PCNX1: variants seen among roughly 807,000 people sequenced by gnomAD.
PCNX1 encodes the protein pecanex-like protein 1.
In PCNX1, 78 loss-of-function variants were observed where a neutral mutation model predicts 242.2. The ratio of observed to expected loss-of-function variants is 0.32; its 90% CI spans 0.27 to 0.39. The LOEUF (loss-of-function observed/expected upper bound fraction) is 0.39. Among genes scored for constraint, PCNX1 ranks in the 10% least tolerant of loss-of-function variants. The pLI is 1.00. For synonymous variants in PCNX1, 1,024 were observed against 1,032.9 expected, an observed-to-expected ratio of 0.99 and a Z score of 0.17; for missense variants, 2,581 against 2,856.5, an observed-to-expected ratio of 0.90 and a Z score of 2.20.
At chr14:71,057,485 T>C (rs1217257225) in intron 25 of PCNX1, 24 bp from the exon 26 acceptor site, 1 of 1,546,220 alleles carries the variant, frequency 6.5e-7, no homozygotes, top group African/African-American at 1.4e-5. Context: ...TAAATTTAAC[T>C]TTTTTTAAAA....
chr14:71,109,698 G>A, intron 35 of PCNX1, 97 bp from the exon 36 acceptor site: 1 of 1,567,296 alleles, frequency 6.4e-7, no homozygotes. Flanking sequence ...ATAATTTTCA[G>A]ACAAAATTGC....
At chr14:70,956,642 T>C (rs2058005825) in intron 2 of PCNX1, among the ~76,000 whole-genome samples, 1 of 152,094 alleles carries the variant, frequency 6.6e-6, no homozygotes, top group Admixed American at 6.6e-5. Context: ...TTGAGCCTTA[T>C]CTTAGGCCAT....
At chr14:70,911,825 A>G (rs184309200) in intron 1 of PCNX1, among the ~76,000 whole-genome samples, 15 of 152,358 alleles carry the variant, frequency 9.8e-5, no homozygotes, top group Non-Finnish European at 1.9e-4. Context: ...TGTTTCCTCT[A>G]TAATGCTGTA....
Position 71,078,905 on chromosome 14 carries a change from G to A in PCNX1, c.5337+2486G>A, listed in dbSNP as rs181334547. Among the ~76,000 whole-genome samples, 6 of 152,220 alleles carry A rather than the reference G, an allele frequency of 3.9e-5. No individual in the cohort carries two copies. In the East Asian group the frequency reaches 1.2e-3, roughly 29 times the overall value. On this transcript the variant is annotated intron_variant, in intron 28 of 35. Coordinates refer to ENST00000304743, the MANE Select transcript of PCNX1 (RefSeq NM_014982.3). ...TGGGATACATGTGCAGAACATGCAG[G>A]TTTGTGGCATGGGTATACACATGCC...
intron 26 of PCNX1, chr14:71,060,646 A>G (rs1444877364): frequency 6.6e-6 from 1 of 152,224 alleles, no homozygotes; most frequent in Non-Finnish European, 1.5e-5. Context: ...TTGTCAGGTA[A>G]TTATGTCCCA....
intron 3 of PCNX1, among the ~76,000 whole-genome samples, chr14:70,963,110 G>C (rs2810101): frequency 0.48 from 72,557 of 152,004 alleles, 18,014 homozygotes; most frequent in Non-Finnish European, 0.55. Context: ...CAGTCTTCTT[G>C]TTATCATATG....
chr14:70,973,963 C>T (rs2058616472), intron 5 of PCNX1, among the ~76,000 whole-genome samples: 1 of 152,018 alleles, frequency 6.6e-6, no homozygotes, highest in African/African-American at 2.4e-5. Flanking sequence ...GCACCCATTA[C>T]ACTCCCCATT....
intron 5 of PCNX1, among the ~76,000 whole-genome samples, chr14:70,974,679 T>C (rs1466159584): frequency 6.6e-6 from 1 of 152,254 alleles, no homozygotes; most frequent in Non-Finnish European, 1.5e-5. Context: ...TAAGAATACC[T>C]TTTCAAGTTT....
chr14:71,087,045 CA>C (rs2062011918), intron 28 of PCNX1, among the ~76,000 whole-genome samples: 2 of 152,016 alleles, frequency 1.3e-5, no homozygotes, highest in Admixed American at 6.5e-5. Flanking sequence ...AGAAAGTTGA[CA>C]GGGGAAGGGA....
chr14:71,037,026 A>G (rs1270599341), intron 19 of PCNX1, among the ~76,000 whole-genome samples: 14 of 151,766 alleles, frequency 9.2e-5, no homozygotes, highest in African/African-American at 3.4e-4. Context: ...TTGGATTCCT[A>G]GGTATTTTAT....
chr14:71,016,562 G>A (rs2059966675), intron 11 of PCNX1, among the ~76,000 whole-genome samples: 1 of 152,106 alleles, frequency 6.6e-6, no homozygotes, highest in Non-Finnish European at 1.5e-5. Flanking sequence ...GAATTAAATG[G>A]TAAATTAATA....
Position 70,977,027 on chromosome 14 carries a change from G to C in PCNX1, c.690G>C (p.Gln230His), listed in dbSNP as rs560136936. The part of the protein sequence containing the change: ...SIQPSLSSCG[Q>H]DLPRDFSDKV... ...AGCCTTCCTTATCCTCTTGTGGACA[G>C]GACTTGCCAAGGGACTTCAGTGACA... Residue 230 changes from glutamine to histidine, a missense_variant, in exon 6 of 36, where the codon CAG becomes CAC. Gln to His is a conservative substitution (Grantham distance 24). This residue lies in a region of PCNX1 where 1,204 missense variants were observed against 1,216.7 expected (regional missense o/e 0.99). Coordinates refer to ENST00000304743, the MANE Select transcript of PCNX1 (RefSeq NM_014982.3). The C allele has an allele frequency of 2.2e-5, 35 of 1,614,118 alleles. No individual in the cohort carries two copies. In the South Asian group the frequency reaches 3.7e-4, roughly 17 times the overall value.
chr14:71,015,045 C>G (rs910758560), intron 11 of PCNX1, among the ~76,000 whole-genome samples: 9 of 152,114 alleles, frequency 5.9e-5, no homozygotes, highest in Non-Finnish European at 5.9e-5. Flanking sequence ...AGAGGAGCAT[C>G]TTTAAAGTAC....
intron 2 of PCNX1, among the ~76,000 whole-genome samples, chr14:70,961,689 G>C (rs893048980): frequency 6.6e-6 from 1 of 152,112 alleles, no homozygotes; most frequent in Non-Finnish European, 1.5e-5. Context: ...AAACAAGTTA[G>C]TATTCTAGTT....
At chr14:71,037,952 T>C (rs2060591513) in intron 19 of PCNX1, among the ~76,000 whole-genome samples, 1 of 130,446 alleles carries the variant, frequency 7.7e-6, no homozygotes, top group Non-Finnish European at 1.6e-5. Context: ...TTGACAAACC[T>C]GAGAAAAACA....
chr14:71,057,420 A>G, intron 25 of PCNX1, 89 bp from the exon 26 acceptor site: 1 of 775,264 alleles, frequency 1.3e-6, no homozygotes, highest in Non-Finnish European at 2.2e-6. Context: ...ATATAACCCC[A>G]TACTAGAAGT....
chr14:70,996,070 G>T, intron 8 of PCNX1, 145 bp downstream of exon 8: 3 of 608,512 alleles, frequency 4.9e-6, no homozygotes, highest in Admixed American at 3.0e-5. Flanking sequence ...CTATGTGTTA[G>T]GAAAATGTGA....
At chr14:71,006,239 T>C (rs954576653) in intron 8 of PCNX1, among the ~76,000 whole-genome samples, 17 of 151,726 alleles carry the variant, frequency 1.1e-4, no homozygotes, top group African/African-American at 3.9e-4. Context: ...CCTCCCACTT[T>C]GCCTCCCAAA....
intron 2 of PCNX1, 93 bp from the exon 3 acceptor site, chr14:70,962,133 G>T: frequency 2.6e-6 from 2 of 784,194 alleles, no homozygotes; most frequent in South Asian, 1.6e-5. Context: ...TCTTAGTTTT[G>T]TGGAAAAAAG....
Sources: gnomAD v4.1 joint callset for allele counts (sites outside exome capture counted in the v4.1 genomes callset) on GRCh38, gnomAD v4.1.1 for gene constraint, gnomAD v4.1.1 regional missense constraint, MANE v1.5 for transcripts, NCBI Gene and HGNC (gene_info 2026-07-23, HGNC 2026-07-21) for gene names.